Variants in NFIB observed in about 807,000 individuals in gnomAD.
NFIB encodes nuclear factor I B.
Under a neutral mutation model 61.5 loss-of-function variants are expected in NFIB, and 11 were observed. The observed-to-expected ratio is 0.18, with a 90% CI of 0.11 to 0.30. NFIB has a LOEUF of 0.30. NFIB is among the 10% of genes least tolerant of loss of function. The pLI is 1.00. For synonymous variants in NFIB, 260 were observed against 216.5 expected (o/e 1.20, Z -1.76); for missense variants, 471 against 608.9 (o/e 0.77, Z 2.38).
the NFIB span, among the ~76,000 whole-genome samples, chr9:14,411,252 G>A: frequency 1.3e-5 from 2 of 152,128 alleles, no homozygotes; most frequent in South Asian, 2.1e-4. Context: ...AGCAATTTTG[G>A]TTGGTCATCT....
intron 2 of NFIB, among the ~76,000 whole-genome samples, chr9:14,282,464 T>C (rs527488083): frequency 1.3e-5 from 2 of 152,332 alleles, no homozygotes; most frequent in East Asian, 3.9e-4. Flanking sequence ...AATAATGTTA[T>C]ATTACACATG....
intron 5 of NFIB, 77 bp downstream of exon 5, chr9:14,150,068 C>A (rs929311659): frequency 9.6e-5 from 151 of 1,574,550 alleles, no homozygotes; most frequent in Non-Finnish European, 1.3e-4. Flanking sequence ...ACCTACCTAC[C>A]TATCTATCTG....
chr9:14,344,717 C>A (rs917774959), intron 1 of NFIB, among the ~76,000 whole-genome samples: 1 of 151,846 alleles, frequency 6.6e-6, no homozygotes, highest in Non-Finnish European at 1.5e-5. Flanking sequence ...CCCACTGAAC[C>A]TCCTCCTACA....
At chr9:14,389,307 C>T (rs2061592151) in intron 1 of NFIB, among the ~76,000 whole-genome samples, 1 of 152,028 alleles carries the variant, frequency 6.6e-6, no homozygotes, top group Non-Finnish European at 1.5e-5. Context: ...TGTTGTTCAT[C>T]CCTCCCCCTT....
At chr9:14,115,292 G>GAA (rs35048361) in intron 9 of NFIB, among the ~76,000 whole-genome samples, 4 of 148,854 alleles carry the variant, frequency 2.7e-5, no homozygotes, top group Admixed American at 6.7e-5. Flanking sequence ...CTCTAAGAAA[G>GAA]AAAAAAAAAA....
At chr9:14,229,028 G>GAA (rs777255038) in intron 2 of NFIB, among the ~76,000 whole-genome samples, 23 of 136,426 alleles carry the variant, frequency 1.7e-4, no homozygotes, top group South Asian at 7.0e-4. Context: ...GGTTTACAGG[G>GAA]AAAAAAAAAA....
chr9:14,237,761 ACAGTGTGT>A (rs2132004362), intron 2 of NFIB, among the ~76,000 whole-genome samples: 1 of 103,676 alleles, frequency 9.6e-6, no homozygotes, highest in East Asian at 3.5e-4. Flanking sequence ...GCTAGGTATA[ACAGTGTGT>A]GTGTGTGTGT....
rs117746190 is a variant in NFIB, at chr9:14,348,433, C to T, written c.109-40913G>A. On this transcript the variant is annotated intron_variant, in intron 1 of 8. Coordinates refer to the NFIB transcript ENST00000380934. The stretch of plus-strand genomic sequence containing the variant: ...GCCGTTCCAAACGGCAGGGCTCACG[C>T]TATTTCGGGAGAAGTTGGAGGGTGG... Among the ~76,000 whole-genome samples the T allele has an allele frequency of 2.8e-3, 426 of 152,078 alleles. 4 individuals carry two copies. Among genetic ancestry groups the T allele is most frequent in the Non-Finnish European group, 4.5e-3 (305 of 68,014 alleles).
At chr9:14,431,125 C>T in the NFIB span, among the ~76,000 whole-genome samples, 1 of 152,134 alleles carries the variant, frequency 6.6e-6, no homozygotes, top group African/African-American at 2.4e-5. Context: ...TTTCTGAAAA[C>T]TAACTCAATG....
At chr9:14,337,736 G>A (rs1481646821) in intron 1 of NFIB, among the ~76,000 whole-genome samples, 2 of 152,134 alleles carry the variant, frequency 1.3e-5, no homozygotes, top group African/African-American at 4.8e-5. Context: ...GCATCCATCT[G>A]GCCTCGGGCT....
chr9:14,257,169 C>A (rs766552456), intron 2 of NFIB, among the ~76,000 whole-genome samples: 1 of 152,178 alleles, frequency 6.6e-6, no homozygotes, highest in Non-Finnish European at 1.5e-5. Flanking sequence ...CACAGAGGCT[C>A]AGGTTCCTCA....
At chr9:14,495,277 G>C in the NFIB span, among the ~76,000 whole-genome samples, 2 of 152,030 alleles carry the variant, frequency 1.3e-5, no homozygotes, top group Non-Finnish European at 2.9e-5. Flanking sequence ...CACACCCCTG[G>C]TTGTGAGATA....
chr9:14,364,223 T>A (rs186176405), intron 1 of NFIB, among the ~76,000 whole-genome samples: 22 of 152,258 alleles, frequency 1.4e-4, no homozygotes, highest in South Asian at 6.2e-4. Context: ...AACCCTAAAA[T>A]CGTGCAATTT....
the NFIB span, among the ~76,000 whole-genome samples, chr9:14,445,352 CA>C: frequency 1.3e-5 from 2 of 149,560 alleles, no homozygotes; most frequent in Non-Finnish European, 3.0e-5. Flanking sequence ...GGAGTGATAG[CA>C]GGCATTTTTA....
intron 5 of NFIB, among the ~76,000 whole-genome samples, chr9:14,148,512 C>T (rs918145633): frequency 6.6e-6 from 1 of 152,072 alleles, no homozygotes; most frequent in Non-Finnish European, 1.5e-5. Flanking sequence ...GCAATAATAA[C>T]CATAATGTTA....
chr9:14,441,155 A>T, the NFIB span, among the ~76,000 whole-genome samples: 1 of 149,308 alleles, frequency 6.7e-6, no homozygotes, highest in Non-Finnish European at 1.5e-5. Flanking sequence ...AAAAAAAAGG[A>T]GAGAGAAAAC....
intron 1 of NFIB, among the ~76,000 whole-genome samples, chr9:14,312,957 A>G (rs1588280487): frequency 6.6e-6 from 1 of 152,236 alleles, no homozygotes; most frequent in Non-Finnish European, 1.5e-5. Flanking sequence ...GGGTCCCCGG[A>G]CCACAACCTC....
chr9:14,392,178 C>T lies in NFIB; in HGVS notation c.108+6346G>A, dbSNP rs143589609. On this transcript the variant is annotated intron_variant, in intron 1 of 8. Coordinates refer to the NFIB transcript ENST00000380934. The stretch of plus-strand genomic sequence containing the variant: ...CACAGCCAAGAGGAGCCAAAGAAGA[C>T]ATAATGACTAAATATAACGTGGCAT... 1.2e-3 allele frequency among the ~76,000 whole-genome samples: 185 copies of T among 152,254 alleles called. 2 individuals are homozygous for T. Among genetic ancestry groups the T allele is most frequent in the Non-Finnish European group, 3.8e-4 (26 of 68,012 alleles).
intron 1 of NFIB, among the ~76,000 whole-genome samples, chr9:14,350,114 G>C (rs1344613364): frequency 2.0e-5 from 3 of 152,136 alleles, no homozygotes; most frequent in Admixed American, 1.3e-4. Flanking sequence ...GGGAAACCCG[G>C]AGTATTTTCC....
Sources: allele counts gnomAD v4.1 joint callset (sites outside exome capture counted in the v4.1 genomes callset), GRCh38; gene constraint gnomAD v4.1.1; transcripts MANE v1.5; gene names NCBI Gene and HGNC (gene_info 2026-07-23, HGNC 2026-07-21).